Variants in DOCK11 observed in about 807,000 individuals in gnomAD.
DOCK11 encodes the protein dedicator of cytokinesis protein 11.
In DOCK11, 70 loss-of-function variants were observed where a neutral mutation model predicts 169.1. The ratio of observed to expected loss-of-function variants is 0.41; its 90% CI spans 0.34 to 0.51. The LOEUF is 0.51. DOCK11 is among the 20% of genes least tolerant of loss of function. The pLI is 0.10. For missense variants in DOCK11, 1,166 were observed against 1,538.8 expected (o/e 0.76, Z 4.05); for synonymous variants, 529 against 541.3 (o/e 0.98, Z 0.32).
intron 33 of DOCK11, among the ~76,000 whole-genome samples, 161 bp from the exon 34 acceptor site, chrX:118,628,002 A>G (rs2147490512): frequency 8.9e-6 from 1 of 112,478 alleles, no homozygotes; most frequent in Non-Finnish European, 1.9e-5. Context: ...TCACTTTTAC[A>G]TGGTTTCTTA....
chrX:118,614,016 T>C (rs1184422962), intron 28 of DOCK11, among the ~76,000 whole-genome samples: 3 of 111,625 alleles, frequency 2.7e-5, no homozygotes, highest in Non-Finnish European at 3.8e-5. Context: ...AATGACACCA[T>C]TGGGCTAGGA....
At chrX:118,541,825 G>A (rs911466579) in intron 1 of DOCK11, among the ~76,000 whole-genome samples, 10 of 111,619 alleles carry the variant, frequency 9.0e-5, no homozygotes, top group Non-Finnish European at 3.8e-5. Context: ...CTTCAGTCTG[G>A]GTCCTACTGT....
At chrX:118,658,144 T>G (rs1169444224) in intron 44 of DOCK11, among the ~76,000 whole-genome samples, 1 of 111,626 alleles carries the variant, frequency 9.0e-6, no homozygotes, top group Admixed American at 9.5e-5. Flanking sequence ...ACAAAGATAA[T>G]TGGGCACCTT....
At position 118,636,431 on chromosome X, in the gene DOCK11, T is replaced by A. The variant is rs371616037; in HGVS notation, c.3953+19T>A. On this transcript the variant is annotated intron_variant, in intron 36 of 52. Coordinates refer to ENST00000276202, the MANE Select transcript of DOCK11 (RefSeq NM_144658.4). ...TTTTAGAGTAAGTTATATTAATTTA[T>A]CTTCATATACTTTCCCCTTATTTGG... 3 of 910,350 alleles carry A rather than the reference T, an allele frequency of 3.3e-6. No homozygotes were observed. Among genetic ancestry groups the A allele is most frequent in the Non-Finnish European group, 4.6e-6 (3 of 657,263 alleles). The allele number at this position is 910,350 out of a possible 1,213,427, so 75.0% of individuals were successfully genotyped here.
At chrX:118,606,580 T>C (rs1025736859) in intron 24 of DOCK11, among the ~76,000 whole-genome samples, 3 of 112,090 alleles carry the variant, frequency 2.7e-5, no homozygotes, top group African/African-American at 9.7e-5. Flanking sequence ...ACAGGGTACT[T>C]AAATTGTGGG....
chrX:118,671,669 A>C (rs1374909695), intron 46 of DOCK11, among the ~76,000 whole-genome samples: 1 of 111,134 alleles, frequency 9.0e-6, no homozygotes, highest in East Asian at 2.8e-4. Context: ...AAATTAGACC[A>C]GTGGTTCTGA....
At chrX:118,514,772 G>A (rs1236339266) in intron 1 of DOCK11, among the ~76,000 whole-genome samples, 3 of 112,349 alleles carry the variant, frequency 2.7e-5, no homozygotes, top group African/African-American at 9.7e-5. Context: ...CTGCTAAAGG[G>A]AATCCTATCT....
chrX:118,624,740 A>T, intron 32 of DOCK11, 85 bp downstream of exon 32: 1 of 481,227 alleles, frequency 2.1e-6, no homozygotes, highest in Non-Finnish European at 3.3e-6. Flanking sequence ...TATGATCTCA[A>T]CCTTAAGAGT....
intron 40 of DOCK11, 31 bp downstream of exon 40, chrX:118,643,625 G>T: frequency 8.3e-7 from 1 of 1,199,195 alleles, no homozygotes. Flanking sequence ...GCAGCCGGTG[G>T]GCTCTCTTCA....
intron 40 of DOCK11, among the ~76,000 whole-genome samples, chrX:118,647,700 T>C (rs2015742886): frequency 1.8e-5 from 1 of 54,862 alleles, no homozygotes; most frequent in African/African-American, 7.3e-5. Flanking sequence ...TATAATATAA[T>C]ATATAATAAT....
At chrX:118,560,164 A>G (rs1429529962) in intron 6 of DOCK11, among the ~76,000 whole-genome samples, 1 of 111,483 alleles carries the variant, frequency 9.0e-6, no homozygotes, top group African/African-American at 3.3e-5. Context: ...ATAAATATCA[A>G]TGTTATTTAT....
At chrX:118,582,131 G>GA (rs1015131574) in intron 14 of DOCK11, among the ~76,000 whole-genome samples, 26 of 109,991 alleles carry the variant, frequency 2.4e-4, no homozygotes, top group Non-Finnish European at 1.7e-4. Context: ...CTGTCTCGGG[G>GA]AAAAAAAAAG....
intron 1 of DOCK11, among the ~76,000 whole-genome samples, chrX:118,510,886 A>C (rs2057647136): frequency 8.9e-6 from 1 of 111,954 alleles, no homozygotes; most frequent in Admixed American, 9.5e-5. Context: ...TTCTGGCTTC[A>C]TGATGATTTC....
rs754323177 is a variant in DOCK11 at position 118,547,904 on chromosome X, C to T, written c.558+1788C>T. ...AGATTCTCAAAATATTCAAATAGGG[C>T]CAGGCAGGAGGCTCATACCTGTAAT... On this transcript the variant is annotated intron_variant, in intron 6 of 52. Coordinates refer to ENST00000276202, the MANE Select transcript of DOCK11 (RefSeq NM_144658.4). 5.4e-5 allele frequency among the ~76,000 whole-genome samples: 6 copies of T among 112,037 alleles called. No homozygotes were observed. The East Asian group carries it at 1.7e-3, about 31-fold the overall frequency.
intron 14 of DOCK11, among the ~76,000 whole-genome samples, chrX:118,583,194 C>T (rs1348932320): frequency 1.8e-5 from 2 of 110,994 alleles, no homozygotes; most frequent in East Asian, 2.8e-4. Flanking sequence ...AACCAAACAC[C>T]GCATGTTCTC....
intron 24 of DOCK11, among the ~76,000 whole-genome samples, chrX:118,605,896 A>G (rs1296730262): frequency 9.0e-6 from 1 of 111,239 alleles, no homozygotes; most frequent in African/African-American, 3.3e-5. Context: ...TTTCTATTGC[A>G]ATATATTTCT....
chrX:118,504,320 A>G (rs1344005821), intron 1 of DOCK11, among the ~76,000 whole-genome samples: 3 of 111,732 alleles, frequency 2.7e-5, no homozygotes, highest in Non-Finnish European at 5.6e-5. Context: ...TTTTATGGAA[A>G]GTGGAGAGTA....
In DOCK11 at chrX:118,599,295, T is replaced by TG. The variant is rs1184773923; in HGVS notation, c.2562+68dup. The TG allele has an allele frequency of 6.0e-6, 5 of 834,035 alleles. No individual in the cohort carries two copies. In the African/African-American group the frequency reaches 6.3e-5, roughly 11 times the overall value. 68.7% of individuals were successfully genotyped at this position (834,035 alleles called of 1,213,427 possible). On this transcript the variant is annotated intron_variant, in intron 23 of 52. Transcript: ENST00000276202. ...GTCTTTCTGTTGCCACATTTTGGTG[T>TG]GAAAAAAAAAAGCAAACAGACAGTT...
At chrX:118,595,650 G>A (rs1381488170) in intron 20 of DOCK11, among the ~76,000 whole-genome samples, 1 of 112,107 alleles carries the variant, frequency 8.9e-6, no homozygotes, top group Non-Finnish European at 1.9e-5. Flanking sequence ...GACAGAAGTG[G>A]ACAAGATGCT....
Sources: gnomAD v4.1 joint callset for allele counts (sites outside exome capture counted in the v4.1 genomes callset) on GRCh38, gnomAD v4.1.1 for gene constraint, MANE v1.5 for transcripts, NCBI Gene and HGNC (gene_info 2026-07-23, HGNC 2026-07-21) for gene names.